Variants in SYT16 observed in about 807,000 individuals in gnomAD.
The protein encoded by SYT16 is synaptotagmin 16, also known as synaptotagmin-16.
A neutral mutation model predicts 61.4 loss-of-function variants in SYT16; 42 were observed. The ratio of observed to expected loss-of-function variants is 0.68; its 90% confidence interval spans 0.53 to 0.89. The LOEUF (loss-of-function observed/expected upper bound fraction) is 0.89. Ranked by LOEUF, SYT16 falls within the 40% of genes least tolerant of loss-of-function variation. The pLI, the probability that SYT16 is intolerant of heterozygous loss-of-function variation, is 0.00. For synonymous variants in SYT16, 314 were observed against 302.3 expected (o/e 1.04, Z -0.40); for missense variants, 804 against 807.3 (o/e 1.00, Z 0.05).
intron 1 of SYT16, among the ~76,000 whole-genome samples, chr14:61,948,000 G>T (rs556677521): frequency 6.6e-6 from 1 of 152,276 alleles, no homozygotes; most frequent in African/African-American, 2.4e-5. Context: ...TGAGTAATCT[G>T]GTGAGGCTAA....
At chr14:61,974,160 T>G (rs1052461493) in intron 2 of SYT16, among the ~76,000 whole-genome samples, 1 of 152,044 alleles carries the variant, frequency 6.6e-6, no homozygotes, top group African/African-American at 2.4e-5. Flanking sequence ...AACACTTGTT[T>G]TAGAAATTTC....
chr14:61,882,431 C>T (rs1411079261), intron 1 of SYT16, among the ~76,000 whole-genome samples: 3 of 152,146 alleles, frequency 2.0e-5, no homozygotes, highest in Non-Finnish European at 4.4e-5. Flanking sequence ...CTTAGAAAAC[C>T]ATCAGATCTG....
chr14:61,827,738 G>A (rs2045815459), intron 1 of SYT16, among the ~76,000 whole-genome samples: 1 of 151,918 alleles, frequency 6.6e-6, no homozygotes, highest in South Asian at 2.1e-4. Flanking sequence ...TTTTTAAGTG[G>A]AGTAGGAACT....
intron 7 of SYT16, among the ~76,000 whole-genome samples, chr14:62,099,177 G>C (rs2141019496): frequency 6.6e-6 from 1 of 152,298 alleles, no homozygotes; most frequent in East Asian, 1.9e-4. Flanking sequence ...GTGTTTATTA[G>C]TGAGAGTGAC....
At chr14:61,939,765 G>A (rs1281107082) in intron 1 of SYT16, among the ~76,000 whole-genome samples, 1 of 152,148 alleles carries the variant, frequency 6.6e-6, no homozygotes, top group African/African-American at 2.4e-5. Flanking sequence ...CCATCACAGT[G>A]TCTAAGGGGG....
intron 3 of SYT16, among the ~76,000 whole-genome samples, chr14:62,013,293 C>A (rs1369511670): frequency 5.9e-5 from 9 of 152,170 alleles, no homozygotes; most frequent in Admixed American, 2.0e-4. Context: ...TCAAGGCATT[C>A]TCCTCATGGT....
chr14:61,954,987 T>A (rs2050816574), intron 1 of SYT16, among the ~76,000 whole-genome samples: 1 of 152,252 alleles, frequency 6.6e-6, no homozygotes, highest in African/African-American at 2.4e-5. Context: ...TGAGATAAAA[T>A]TCATATATCA....
intron 3 of SYT16, among the ~76,000 whole-genome samples, chr14:62,021,991 T>G (rs1034609707): frequency 1.3e-5 from 2 of 152,060 alleles, no homozygotes; most frequent in Admixed American, 6.5e-5. Flanking sequence ...AAAAGCCAAG[T>G]GCTTTCTAAT....
intron 1 of SYT16, among the ~76,000 whole-genome samples, chr14:61,893,519 C>G (rs2048212625): frequency 6.6e-6 from 1 of 152,180 alleles, no homozygotes; most frequent in African/African-American, 2.4e-5. Context: ...TTGTTTCCTC[C>G]TCTCATATAC....
chr14:61,896,731 T>G (rs1005654607), intron 1 of SYT16, among the ~76,000 whole-genome samples: 2 of 152,230 alleles, frequency 1.3e-5, no homozygotes, highest in Non-Finnish European at 2.9e-5. Context: ...TATATAATAG[T>G]GTTTTCACTT....
intron 3 of SYT16, among the ~76,000 whole-genome samples, chr14:62,039,861 ACACACACACACACACACG>A (rs1480081546): frequency 6.5e-5 from 9 of 139,404 alleles, no homozygotes; most frequent in East Asian, 6.2e-4. Context: ...ACACACACAC[ACACACACACACACACACG>A]CACATACACA....
At chr14:61,999,634 T>C (rs907380068) in intron 3 of SYT16, among the ~76,000 whole-genome samples, 1 of 151,840 alleles carries the variant, frequency 6.6e-6, no homozygotes, top group Non-Finnish European at 1.5e-5. Flanking sequence ...TATTATTATT[T>C]TCTTTGTTTT....
intron 3 of SYT16, among the ~76,000 whole-genome samples, chr14:62,050,053 A>G (rs2055198461): frequency 6.6e-6 from 1 of 152,180 alleles, no homozygotes. Context: ...CCTGGAAAAT[A>G]TCCTGCAGAG....
chr14:62,095,477 A>G (rs11846439), intron 7 of SYT16, among the ~76,000 whole-genome samples: 30,853 of 151,824 alleles, frequency 0.2, 3,282 homozygotes, highest in East Asian at 0.32. Flanking sequence ...GTGGAGCTTT[A>G]AAATGTTACT....
intron 1 of SYT16, among the ~76,000 whole-genome samples, chr14:61,878,084 G>C (rs1391518371): frequency 6.6e-6 from 1 of 152,102 alleles, no homozygotes; most frequent in Non-Finnish European, 1.5e-5. Context: ...AGGGATCCCA[G>C]GAAAATCAGA....
intron 1 of SYT16, among the ~76,000 whole-genome samples, chr14:61,864,634 C>G (rs766708968): frequency 1.3e-5 from 2 of 152,252 alleles, no homozygotes; most frequent in Non-Finnish European, 2.9e-5. Flanking sequence ...CTCAATTTGG[C>G]GGTGGAATGA....
chr14:61,973,780 A>G (rs1307347736), intron 2 of SYT16, among the ~76,000 whole-genome samples: 5 of 152,058 alleles, frequency 3.3e-5, no homozygotes, highest in Non-Finnish European at 7.4e-5. Flanking sequence ...ACATGAGGGC[A>G]TTTCCTCCCA....
In SYT16 at chr14:62,075,175, C is replaced by T; in HGVS notation, c.777C>T (p.Leu259=). The change falls in exon 5 of 8, where the codon CTC becomes CTT. Residue 259 remains leucine (L), a synonymous_variant. Coordinates refer to ENST00000683842, the MANE Select transcript of SYT16 (RefSeq NM_001367656.1). ...GCCAACGGCGTTATTCTGAGAATCT[C>T]TCCTACGGTGAAGATGACCACATCC... ...GASQRRYSEN[L]SYGEDDHIPA... 1.2e-6 allele frequency: 2 copies of T among 1,612,586 alleles called. No homozygotes were observed. The highest frequency in any genetic ancestry group is 1.7e-6 in the Non-Finnish European group (2 of 1,179,218).
chr14:62,076,625 C>T (rs2056506398), intron 5 of SYT16, among the ~76,000 whole-genome samples: 2 of 151,968 alleles, frequency 1.3e-5, no homozygotes, highest in Non-Finnish European at 2.9e-5. Context: ...TAAAAAGCAG[C>T]CCTTCATATG....
Sources: allele counts gnomAD v4.1 joint callset (sites outside exome capture counted in the v4.1 genomes callset), GRCh38; gene constraint gnomAD v4.1.1; transcripts MANE v1.5; gene names NCBI Gene and HGNC (gene_info 2026-07-23, HGNC 2026-07-21).